Variants in FAIM2 observed in about 807,000 individuals in gnomAD.
FAIM2 encodes Fas apoptotic inhibitory molecule 2.
A neutral mutation model predicts 47.4 loss-of-function variants in FAIM2; 27 were observed. The observed-to-expected ratio is 0.57, with a 90% CI of 0.42 to 0.78. The LOEUF is 0.78. Ranked by LOEUF, FAIM2 falls within the 30% of genes least tolerant of loss-of-function variation. The pLI, the probability that FAIM2 is intolerant of heterozygous loss-of-function variation, is 0.00. For missense variants in FAIM2, 311 were observed against 389.4 expected (o/e 0.80, Z 1.69); for synonymous variants, 156 against 159.3 (o/e 0.98, Z 0.16).
chr12:49,878,312 G>A (rs377388172), intron 11 of FAIM2, among the ~76,000 whole-genome samples: 5 of 134,736 alleles, frequency 3.7e-5, no homozygotes, highest in African/African-American at 8.4e-5. Context: ...ATGTGCATGC[G>A]TGTATATGTG....
rs1592780327 is a variant in FAIM2, at chr12:49,868,237, G to C, written c.*2267C>G. The C allele has an allele frequency of 2.0e-5, 3 of 152,482 alleles. No homozygotes were observed. Among genetic ancestry groups the C allele is most frequent in the African/African-American group, 7.2e-5 (3 of 41,452 alleles). The allele number at this position is 152,482 out of a possible 1,614,324, so 9.4% of individuals were successfully genotyped here. A position where few individuals can be genotyped will look rare whatever the true frequency, so the allele number is the denominator to read the frequency against. ...GGAAACTGAGGGGCCCGGAGGAGAG[G>C]AGGTGGAGGAGGGTGGGAACCGGGT... On this transcript the variant is annotated 3_prime_UTR_variant, in exon 12 of 12. Transcript: ENST00000320634.
intron 11 of FAIM2, among the ~76,000 whole-genome samples, chr12:49,879,884 GTGTGCATGTGTA>G (rs1346490233): frequency 1.7e-5 from 2 of 119,326 alleles, no homozygotes; most frequent in East Asian, 2.6e-4. Context: ...GTATGTGTAT[GTGTGCATGTGTA>G]TGTGCATGTG....
At chr12:49,884,745 C>T (rs183584360) in intron 11 of FAIM2, among the ~76,000 whole-genome samples, 90 of 152,304 alleles carry the variant, frequency 5.9e-4, no homozygotes, top group Admixed American at 1.0e-3. Flanking sequence ...GAGGCCAAGG[C>T]GGGCGGATCA....
intron 4 of FAIM2, 70 bp downstream of exon 4, chr12:49,897,449 C>G: frequency 7.0e-7 from 1 of 1,423,792 alleles, no homozygotes; most frequent in Non-Finnish European, 9.9e-7. Context: ...GGAGTCTGAT[C>G]ATGGGTTCCC....
chr12:49,880,504 A>ATG (rs1555158563), intron 11 of FAIM2, among the ~76,000 whole-genome samples: 38 of 135,694 alleles, frequency 2.8e-4, no homozygotes, highest in Admixed American at 1.1e-3. Flanking sequence ...ATGTGTGTGT[A>ATG]TGAGTGTGTA....
chr12:49,886,171 G>T (rs1188958337), intron 11 of FAIM2, among the ~76,000 whole-genome samples: 1 of 152,176 alleles, frequency 6.6e-6, no homozygotes, highest in Admixed American at 6.5e-5. Flanking sequence ...TTTCCGAGAG[G>T]ATGTCACCAG....
intron 5 of FAIM2, among the ~76,000 whole-genome samples, chr12:49,893,437 G>A (rs1383087630): frequency 6.6e-6 from 1 of 152,108 alleles, no homozygotes; most frequent in Non-Finnish European, 1.5e-5. Context: ...CACCCTTCTG[G>A]CCAGCTCCTC....
At chr12:49,886,537 G>A (rs1218540605) in intron 11 of FAIM2, among the ~76,000 whole-genome samples, 2 of 152,024 alleles carry the variant, frequency 1.3e-5, no homozygotes, top group East Asian at 3.9e-4. Flanking sequence ...GTGCAGTGGC[G>A]CGATCTCGGC....
chr12:49,887,583 C>T, intron 10 of FAIM2, 144 bp from the exon 11 acceptor site: 1 of 709,496 alleles, frequency 1.4e-6, no homozygotes, highest in Non-Finnish European at 2.4e-6. Context: ...TGACAGTGGC[C>T]CCTGATTCTC....
At chr12:49,894,889 T>C (rs954107859) in intron 5 of FAIM2, among the ~76,000 whole-genome samples, 1 of 152,184 alleles carries the variant, frequency 6.6e-6, no homozygotes, top group African/African-American at 2.4e-5. Flanking sequence ...GTGCCCTCCA[T>C]ACAGAAAAAG....
In FAIM2 at chr12:49,874,414, TA is replaced by T. The variant is rs1284750387; in HGVS notation, c.802-3762del. Among the ~76,000 whole-genome samples the T allele has an allele frequency of 6.6e-5, 10 of 151,964 alleles. No individual in the cohort carries two copies. Among genetic ancestry groups the T allele is most frequent in the Admixed American group, 3.9e-4 (6 of 15,262 alleles). ...GTGCCGTCTCCTATGCTGGTGGAGATAGGGGAGGAGTGGGCTTGCAGGGAGG... is the reference window on the plus strand; with the variant it reads ...GTGCCGTCTCCTATGCTGGTGGAGATGGGGAGGAGTGGGCTTGCAGGGAGG... On this transcript the variant is annotated intron_variant, in intron 11 of 11. Transcript: ENST00000320634. This position sits in a 1 kb window ranked among gnomAD's most constrained non-coding sequence, Gnocchi z 4.2.
rs546532285 is a variant in FAIM2 at position 49,878,665 on chromosome 12, CAT to C, written c.802-8014_802-8013del. On this transcript the variant is annotated intron_variant, in intron 11 of 11. Coordinates refer to ENST00000320634, the MANE Select transcript of FAIM2 (RefSeq NM_012306.4). ...TTGTATATATGTGCGCTTGTATGTG[CAT>C]GTGTGTATGTGTGTATATGTGAGTG... Among the ~76,000 whole-genome samples, 149 of 119,524 alleles carry C rather than the reference CAT, an allele frequency of 1.2e-3. 17 individuals are homozygous for C. The highest frequency in any genetic ancestry group is 4.6e-3 in the African/African-American group (132 of 28,778). 78.4% of individuals were successfully genotyped at this position (119,524 alleles called of 152,430 possible).
At chr12:49,887,271 A>G in intron 11 of FAIM2, 115 bp downstream of exon 11, 2 of 919,406 alleles carry the variant, frequency 2.2e-6, no homozygotes, top group Non-Finnish European at 3.5e-6. Flanking sequence ...CCCTACCCGC[A>G]GGTGCTCCCG....
chr12:49,896,165 T>C (rs1946935803), intron 5 of FAIM2, among the ~76,000 whole-genome samples: 1 of 152,204 alleles, frequency 6.6e-6, no homozygotes, highest in Admixed American at 6.5e-5. Flanking sequence ...TAACTTTCCC[T>C]GCAGAGGCCT....
chr12:49,890,952 G>GCCCC, intron 6 of FAIM2, 112 bp downstream of exon 6: 1 of 1,096,356 alleles, frequency 9.1e-7, no homozygotes, highest in Non-Finnish European at 1.4e-6. Flanking sequence ...CCCAGAGAGG[G>GCCCC]ATGGGGCCCT....
At chr12:49,887,136 G>T (rs1295401263) in intron 11 of FAIM2, among the ~76,000 whole-genome samples, 1 of 152,092 alleles carries the variant, frequency 6.6e-6, no homozygotes, top group Non-Finnish European at 1.5e-5. Context: ...TCCCAGCTTT[G>T]CCTCTGTCTA....
At chr12:49,871,070 A>G (rs1946699252) in intron 11 of FAIM2, among the ~76,000 whole-genome samples, 1 of 152,202 alleles carries the variant, frequency 6.6e-6, no homozygotes, top group African/African-American at 2.4e-5. Context: ...TCTTCTTGCC[A>G]TTCCCTCCGG....
intron 11 of FAIM2, among the ~76,000 whole-genome samples, chr12:49,879,760 GTGTGCACGTGTGTATATA>G (rs1462419456): frequency 4.0e-5 from 6 of 151,508 alleles, no homozygotes; most frequent in South Asian, 4.2e-4. Context: ...GCATGTATGT[GTGTGCACGTGTGTATATA>G]TGTGCATGTG....
chr12:49,899,059 G>A (rs780644727), intron 2 of FAIM2, among the ~76,000 whole-genome samples: 16 of 152,078 alleles, frequency 1.1e-4, no homozygotes, highest in Non-Finnish European at 2.4e-4. Flanking sequence ...ACGCAGGGGT[G>A]GATCCCTCCC....
Sources: gnomAD v4.1 joint callset for allele counts (sites outside exome capture counted in the v4.1 genomes callset) on GRCh38, gnomAD v4.1.1 for gene constraint, Gnocchi (gnomAD v3.1) non-coding constraint, MANE v1.5 for transcripts, NCBI Gene and HGNC (gene_info 2026-07-23, HGNC 2026-07-21) for gene names.